The following LMO7 variants were observed in gnomAD, a reference collection of about 807,000 sequenced individuals.
The protein encoded by LMO7 is LIM domain 7, also known as LIM domain only protein 7.
Under a neutral mutation model 206.5 loss-of-function variants are expected in LMO7, and 120 were observed. That is an observed-to-expected ratio of 0.58 (90% CI 0.50 to 0.68). The LOEUF is 0.68. LMO7 is among the 30% of genes least tolerant of loss of function. The probability of loss-of-function intolerance (pLI) is 0.00; values close to 1 mark genes in which losing one functional copy is unlikely to be tolerated. For synonymous variants in LMO7, 706 were observed against 681.5 expected, an observed-to-expected ratio of 1.04 and a Z score of -0.56; for missense variants, 1,959 against 1,957.9, an observed-to-expected ratio of 1.00 and a Z score of -0.01.
intron 2 of LMO7, among the ~76,000 whole-genome samples, chr13:75,722,753 T>A (rs890004167): frequency 2.0e-5 from 3 of 152,164 alleles, no homozygotes; most frequent in Non-Finnish European, 4.4e-5. Flanking sequence ...TGCAAGAATA[T>A]GGAACCAGCC....
intron 18 of LMO7, 83 bp from the exon 19 acceptor site, chr13:75,836,314 T>C: frequency 2.8e-6 from 2 of 708,904 alleles, no homozygotes; most frequent in South Asian, 1.8e-5. Flanking sequence ...TGTTAAAATA[T>C]ATATTTCACT....
intron 2 of LMO7, among the ~76,000 whole-genome samples, chr13:75,719,654 C>T (rs2043858212): frequency 6.6e-6 from 1 of 152,190 alleles, no homozygotes; most frequent in Admixed American, 6.5e-5. Context: ...TCCCCTTCAC[C>T]TTCTGCCACG....
chr13:75,719,485 G>A (rs1594502176), intron 2 of LMO7, among the ~76,000 whole-genome samples: 2 of 152,236 alleles, frequency 1.3e-5, no homozygotes, highest in South Asian at 4.2e-4. Context: ...TTGGGGGAGG[G>A]ACCTGATGGG....
Position 75,823,641 on chromosome 13 carries a change from C to A in LMO7, c.2717C>A (p.Ala906Glu). ...RTPNNVVSTP[A>E]PSPDASQLAS... ...CCAAACAATGTGGTCAGCACCCCTG[C>A]ACCAAGCCCGGACGCAAGCCAACTG... Residue 906 changes from alanine (A) to glutamate (E), a missense_variant, in exon 15 of 31, where the codon GCA becomes GAA. Ala to Glu is a moderately radical substitution (Grantham distance 107, BLOSUM62 -1). Transcript: ENST00000377534. 1 of 1,614,120 alleles carries A rather than the reference C, an allele frequency of 6.2e-7. No homozygotes were observed. The highest frequency in any genetic ancestry group is 1.7e-5 in the Admixed American group (1 of 60,032).
intron 1 of LMO7, among the ~76,000 whole-genome samples, chr13:75,683,424 C>T (rs903055835): frequency 2.6e-5 from 4 of 152,096 alleles, no homozygotes; most frequent in South Asian, 2.1e-4. Flanking sequence ...TTGAGGTTTA[C>T]GTTGGTTTGC....
intron 29 of LMO7, among the ~76,000 whole-genome samples, chr13:75,855,778 T>G (rs903546475): frequency 6.6e-6 from 1 of 152,214 alleles, no homozygotes; most frequent in African/African-American, 2.4e-5. Flanking sequence ...CCATTACCAT[T>G]GTAGCTATTT....
intron 2 of LMO7, among the ~76,000 whole-genome samples, chr13:75,723,538 C>T (rs1268831934): frequency 6.6e-6 from 1 of 152,186 alleles, no homozygotes; most frequent in Non-Finnish European, 1.5e-5. Flanking sequence ...TTAGAACTAG[C>T]TTCTGGACAC....
chr13:75,643,756 TGCTTAA>T (rs2036774444), intron 1 of LMO7, among the ~76,000 whole-genome samples: 3 of 152,370 alleles, frequency 2.0e-5, no homozygotes, highest in African/African-American at 7.2e-5. Flanking sequence ...TCTGTGGCTT[TGCTTAA>T]AGAGATGGAC....
chr13:75,715,709 C>T (rs1029726329), intron 2 of LMO7, among the ~76,000 whole-genome samples: 15 of 152,116 alleles, frequency 9.9e-5, no homozygotes, highest in African/African-American at 1.7e-4. Context: ...GTGGTGTTAA[C>T]GAATAAAAAG....
chr13:75,835,571 C>T (rs1309520638), intron 18 of LMO7, among the ~76,000 whole-genome samples: 1 of 152,130 alleles, frequency 6.6e-6, no homozygotes, highest in Non-Finnish European at 1.5e-5. Flanking sequence ...CCAAAGACCC[C>T]ATAATGTTGT....
At chr13:75,829,123 A>T (rs2058408274) in intron 15 of LMO7, among the ~76,000 whole-genome samples, 1 of 152,206 alleles carries the variant, frequency 6.6e-6, no homozygotes, top group Non-Finnish European at 1.5e-5. Flanking sequence ...GGTTGCTCAC[A>T]AAAGCATGTA....
intron 8 of LMO7, 107 bp downstream of exon 8, chr13:75,804,648 T>C: frequency 7.5e-7 from 1 of 1,330,432 alleles, no homozygotes; most frequent in South Asian, 1.5e-5. Flanking sequence ...AGATCATATA[T>C]TAAGCTTGAC....
chr13:75,823,413 G>A (rs938177006), intron 14 of LMO7, 152 bp from the exon 15 acceptor site: 56 of 619,518 alleles, frequency 9.0e-5, no homozygotes, highest in African/African-American at 8.3e-4. Flanking sequence ...ATCTGTTGGT[G>A]TGAAAGAACT....
At chr13:75,853,879 T>C (rs1329445014) in intron 28 of LMO7, among the ~76,000 whole-genome samples, 1 of 152,214 alleles carries the variant, frequency 6.6e-6, no homozygotes, top group Non-Finnish European at 1.5e-5. Context: ...GACTTCTGAC[T>C]AGCTGGATTA....
chr13:75,635,240 GT>G, upstream of LMO7, among the ~76,000 whole-genome samples: 1 of 152,084 alleles, frequency 6.6e-6, no homozygotes. Context: ...GTTTGCTTTC[GT>G]TTCAGCAGAG....
chr13:75,830,718 A>G (rs1479008077), intron 15 of LMO7, among the ~76,000 whole-genome samples: 5 of 152,216 alleles, frequency 3.3e-5, no homozygotes, highest in Admixed American at 6.5e-5. Context: ...TTCATGAGAT[A>G]GTATGTCCAA....
intron 2 of LMO7, among the ~76,000 whole-genome samples, chr13:75,720,518 A>G (rs1371426493): frequency 1.3e-5 from 2 of 152,292 alleles, no homozygotes; most frequent in East Asian, 3.9e-4. Flanking sequence ...AGAAGGGTGT[A>G]AGGTCTGTGT....
intron 3 of LMO7, among the ~76,000 whole-genome samples, chr13:75,739,268 C>T (rs2046221619): frequency 6.6e-6 from 1 of 152,204 alleles, no homozygotes; most frequent in South Asian, 2.1e-4. Flanking sequence ...GAATCAAATT[C>T]CTCTGAATGT....
intron 1 of LMO7, among the ~76,000 whole-genome samples, chr13:75,705,015 C>T (rs191285128): frequency 6.6e-6 from 1 of 152,172 alleles, no homozygotes; most frequent in African/African-American, 2.4e-5. Flanking sequence ...AACTTCCTAT[C>T]AAGGGCTTCT....
Sources: allele counts gnomAD v4.1 joint callset (sites outside exome capture counted in the v4.1 genomes callset), GRCh38; gene constraint gnomAD v4.1.1; transcripts MANE v1.5; gene names NCBI Gene and HGNC (gene_info 2026-07-23, HGNC 2026-07-21).